PITPNM2: variants seen among roughly 807,000 people sequenced by gnomAD.
The protein encoded by PITPNM2 is phosphatidylinositol transfer protein membrane associated 2, also known as membrane-associated phosphatidylinositol transfer protein 2.
A neutral mutation model predicts 132.2 loss-of-function variants in PITPNM2; 35 were observed. The observed-to-expected ratio is 0.26, with a 90% CI of 0.20 to 0.35. The LOEUF is 0.35. Ranked by LOEUF, PITPNM2 falls within the 10% of genes least tolerant of loss-of-function variation. PITPNM2 has a pLI of 1.00. For missense variants in PITPNM2, 1,332 were observed against 1,912.0 expected (o/e 0.70, Z 5.66); for synonymous variants, 738 against 799.2 (o/e 0.92, Z 1.29).
At position 123,077,322 on chromosome 12, in the gene PITPNM2, C is replaced by T. The variant is rs2041822172; in HGVS notation, c.-96+33063G>A. ...TTATCAGGGGTGGAGAGGGACAAAA[C>T]ATTTCCTCACTGAACTCTCATTTTC... is the stretch of plus-strand genomic sequence containing the variant. On this transcript the variant is annotated intron_variant, in intron 2 of 25. Transcript: ENST00000320201. This position sits in a 1 kb window ranked among gnomAD's most constrained non-coding sequence, Gnocchi z 4.8. 6.6e-6 allele frequency among the ~76,000 whole-genome samples: 1 copy of T among 152,160 alleles called. No homozygotes were observed. The highest frequency in any genetic ancestry group is 1.5e-5 in the Non-Finnish European group (1 of 68,028).
rs1266868441 is a variant in PITPNM2 at position 122,995,509 on chromosome 12, T to A, written c.1934A>T (p.Asn645Ile). Residue 645 changes from asparagine (N) to isoleucine (I), a missense_variant, in exon 14 of 26, where the codon AAC (asparagine) becomes ATC (isoleucine). Physicochemically the swap from Asn to Ile is moderately radical, Grantham distance 149 (BLOSUM62 -3). Around this residue, in one of 6 missense-constraint regions of PITPNM2, gnomAD observed 710 missense variants for 911.5 expected, o/e 0.78. Coordinates refer to ENST00000320201, the MANE Select transcript of PITPNM2 (RefSeq NM_020845.3). ...GCCGTTGCTGCGGGGGATGTCGACG[T>A]TGCTTCGGCTCAGGTGCCGACTGCT... is the stretch of plus-strand genomic sequence containing the variant. ...LESSRHLSRS[N>I]VDIPRSNGTE... 6.2e-7 allele frequency: 1 copy of A among 1,613,456 alleles called. No individual in the cohort carries two copies. The highest frequency in any genetic ancestry group is 8.5e-7 in the Non-Finnish European group (1 of 1,180,010).
At chr12:123,033,978 A>G (rs997405502) in intron 3 of PITPNM2, among the ~76,000 whole-genome samples, 1 of 152,194 alleles carries the variant, frequency 6.6e-6, no homozygotes. Flanking sequence ...CAAATAAAAA[A>G]CAGAGGAGAA....
At chr12:123,116,434 G>C (rs2042937120) in intron 1 of PITPNM2, among the ~76,000 whole-genome samples, 2 of 152,122 alleles carry the variant, frequency 1.3e-5, no homozygotes, top group Non-Finnish European at 2.9e-5. Flanking sequence ...AGGATCACTT[G>C]AGGCCAGGAG....
At chr12:123,020,564 G>T (rs907814485) in intron 3 of PITPNM2, among the ~76,000 whole-genome samples, 1 of 152,200 alleles carries the variant, frequency 6.6e-6, no homozygotes, top group African/African-American at 2.4e-5. Flanking sequence ...TGCCCACAGG[G>T]GTGTTCTTTC....
Position 123,083,214 on chromosome 12 carries a change from ACT to A in PITPNM2, c.-96+27169_-96+27170del, listed in dbSNP as rs2042016047. On this transcript the variant is annotated intron_variant, in intron 2 of 25. Transcript: ENST00000320201. The surrounding 1 kb of genome is among the most constrained non-coding windows in gnomAD (Gnocchi z 4.5). Reference sequence around the variant, plus strand: ...CTAAAAAAAAACAAAAAAGTTTTTAACTCTCTGTCTCTCCTACTAGAATGGAG... The same window carrying A: ...CTAAAAAAAAACAAAAAAGTTTTTAACTCTGTCTCTCCTACTAGAATGGAG... 6.6e-6 allele frequency: 1 copy of A among 152,168 alleles called. No homozygotes were observed. The highest frequency in any genetic ancestry group is 2.4e-5 in the African/African-American group (1 of 41,424). 9.4% of individuals were successfully genotyped at this position (152,168 alleles called of 1,614,324 possible).
chr12:123,037,320 G>A (rs74912794), intron 2 of PITPNM2, among the ~76,000 whole-genome samples: 1,652 of 152,326 alleles, frequency 0.011, 15 homozygotes, highest in Non-Finnish European at 0.017. Context: ...AATTAGGGTT[G>A]GAGACGGGAA....
At chr12:123,079,227 A>T (rs2041879669) in intron 2 of PITPNM2, among the ~76,000 whole-genome samples, 1 of 152,082 alleles carries the variant, frequency 6.6e-6, no homozygotes. Flanking sequence ...GCAGGTCTGC[A>T]TCCGGCACCA....
At chr12:123,033,252 G>A (rs2136448058) in intron 3 of PITPNM2, among the ~76,000 whole-genome samples, 1 of 152,352 alleles carries the variant, frequency 6.6e-6, no homozygotes, top group East Asian at 1.9e-4. Context: ...AATCAGTGTG[G>A]GAAGCCCGAA....
At chr12:123,068,272 C>T (rs886649796) in intron 2 of PITPNM2, among the ~76,000 whole-genome samples, 1 of 152,030 alleles carries the variant, frequency 6.6e-6, no homozygotes, top group Non-Finnish European at 1.5e-5. Flanking sequence ...TCGAGAACAT[C>T]CTGGCTAACA....
At chr12:123,014,288 C>T (rs1463399033) in intron 3 of PITPNM2, among the ~76,000 whole-genome samples, 1 of 152,242 alleles carries the variant, frequency 6.6e-6, no homozygotes, top group Non-Finnish European at 1.5e-5. Context: ...ATTCTGACTC[C>T]CACCTGTCCC....
intron 2 of PITPNM2, among the ~76,000 whole-genome samples, chr12:123,073,609 C>A (rs1411228489): frequency 6.6e-6 from 1 of 152,188 alleles, no homozygotes; most frequent in Non-Finnish European, 1.5e-5. Context: ...AAATCCTCAG[C>A]CTAAAACACA....
At position 122,990,015 on chromosome 12, in the gene PITPNM2, G is replaced by C. The variant is rs964848313; in HGVS notation, c.2570-67C>G. ...GACCGCACTGCCACGTCTACCAGGG[G>C]CCAGGCAGGACACTGGGACAGTGCC... On this transcript the variant is annotated intron_variant, in intron 17 of 25. Transcript: ENST00000320201. The C allele has an allele frequency of 3.3e-6, 4 of 1,211,176 alleles. No individual in the cohort carries two copies. In the Admixed American group the frequency reaches 1.1e-4, roughly 34 times the overall value. The allele number at this position is 1,211,176 out of a possible 1,614,324, so 75.0% of individuals were successfully genotyped here.
intron 1 of PITPNM2, among the ~76,000 whole-genome samples, chr12:123,145,258 T>C (rs1382487553): frequency 6.6e-6 from 1 of 152,170 alleles, no homozygotes; most frequent in African/African-American, 2.4e-5. Flanking sequence ...AGTCAGGATA[T>C]ACTTTCCTCA....
At position 123,128,689 on chromosome 12, in the gene PITPNM2, T is replaced by C. The variant is rs1566304342; in HGVS notation, c.-199-18201A>G. On this transcript the variant is annotated intron_variant, in intron 1 of 25. Coordinates refer to ENST00000320201, the MANE Select transcript of PITPNM2 (RefSeq NM_020845.3). ...AATCATTTGAACCCAGAGACAGAGG[T>C]TGCAGTGAGCAAAGATCGCGCCACT... Among the ~76,000 whole-genome samples the C allele has an allele frequency of 2.0e-5, 3 of 149,714 alleles. No individual in the cohort carries two copies. The East Asian group carries it at 5.9e-4, about 30-fold the overall frequency.
intron 1 of PITPNM2, among the ~76,000 whole-genome samples, chr12:123,135,934 T>C (rs1399732860): frequency 6.6e-6 from 1 of 152,226 alleles, no homozygotes; most frequent in Non-Finnish European, 1.5e-5. Flanking sequence ...TACCCATTCA[T>C]CAGTTGATGG....
chr12:122,998,848 C>T (rs960879070), intron 10 of PITPNM2, among the ~76,000 whole-genome samples: 2 of 152,108 alleles, frequency 1.3e-5, no homozygotes, highest in East Asian at 1.9e-4. Context: ...CGCAGTGGCT[C>T]GAGCCTGTAA....
At chr12:123,057,616 G>C (rs1410939257) in intron 2 of PITPNM2, among the ~76,000 whole-genome samples, 1 of 152,152 alleles carries the variant, frequency 6.6e-6, no homozygotes, top group African/African-American at 2.4e-5. Context: ...CCAGGCAATG[G>C]GCCTATGGAC....
At chr12:123,040,785 ACTT>A (rs927177590) in intron 2 of PITPNM2, among the ~76,000 whole-genome samples, 17 of 152,350 alleles carry the variant, frequency 1.1e-4, no homozygotes, top group African/African-American at 4.1e-4. Context: ...AGAACATGAT[ACTT>A]TTTTTAAAAA....
intron 8 of PITPNM2, among the ~76,000 whole-genome samples, chr12:123,001,890 G>A (rs559599270): frequency 2.6e-5 from 4 of 152,148 alleles, no homozygotes; most frequent in South Asian, 4.2e-4. Flanking sequence ...AATTAGTCAG[G>A]CGTGGTGGTG....
Sources: gnomAD v4.1 joint callset for allele counts (sites outside exome capture counted in the v4.1 genomes callset) on GRCh38, gnomAD v4.1.1 for gene constraint, gnomAD v4.1.1 regional missense constraint, Gnocchi (gnomAD v3.1) non-coding constraint, MANE v1.5 for transcripts, NCBI Gene and HGNC (gene_info 2026-07-23, HGNC 2026-07-21) for gene names.